The following UNC13C variants were observed in gnomAD, a reference collection of about 807,000 sequenced individuals.
The protein encoded by UNC13C is unc-13 homolog C.
UNC13C carries 174 observed loss-of-function variants against 245.4 expected under a neutral mutation model. That is an observed-to-expected ratio of 0.71 (90% confidence interval 0.63 to 0.80). UNC13C has a LOEUF of 0.80. Ranked by LOEUF, UNC13C falls within the 30% of genes least tolerant of loss-of-function variation. UNC13C has a pLI of 0.00. For synonymous variants in UNC13C, 992 were observed against 895.1 expected (o/e 1.11, Z -1.93); for missense variants, 2,829 against 2,602.9 (o/e 1.09, Z -1.89).
intron 10 of UNC13C, among the ~76,000 whole-genome samples, chr15:54,282,522 G>C (rs1438456644): frequency 6.6e-6 from 1 of 152,132 alleles, no homozygotes; most frequent in Non-Finnish European, 1.5e-5. Context: ...CACTGCCCAG[G>C]TGAGGGTGCC....
intron 4 of UNC13C, among the ~76,000 whole-genome samples, chr15:54,154,627 A>G (rs2032663370): frequency 6.6e-6 from 1 of 152,218 alleles, no homozygotes; most frequent in African/African-American, 2.4e-5. Context: ...CTTATTTCTC[A>G]GAATTTAAGC....
At chr15:53,932,780 C>G in the UNC13C span, among the ~76,000 whole-genome samples, 1 of 152,144 alleles carries the variant, frequency 6.6e-6, no homozygotes, top group South Asian at 2.1e-4. Context: ...ATTCTAAGCC[C>G]TTAAGTCCCA....
intron 2 of UNC13C, among the ~76,000 whole-genome samples, chr15:54,083,514 T>G (rs1356387727): frequency 6.6e-6 from 1 of 152,190 alleles, no homozygotes; most frequent in Non-Finnish European, 1.5e-5. Context: ...CAAGTGTACA[T>G]GTGTCAGCCC....
At chr15:53,977,609 AAATTATTTCAG>A (rs1429034778), upstream of UNC13C, among the ~76,000 whole-genome samples, 15 of 152,322 alleles carry the variant, frequency 9.8e-5, no homozygotes, top group Middle Eastern at 3.4e-3. Context: ...TAAAACCTCC[AAATTATTTCAG>A]GCCTCAAGCT....
At chr15:54,201,588 G>T (rs1191112254) in intron 4 of UNC13C, among the ~76,000 whole-genome samples, 3 of 151,872 alleles carry the variant, frequency 2.0e-5, no homozygotes, top group African/African-American at 7.2e-5. Context: ...AATAGACACA[G>T]AAAAAGCATT....
intron 24 of UNC13C, among the ~76,000 whole-genome samples, chr15:54,524,473 A>G (rs1895360791): frequency 6.6e-6 from 1 of 152,226 alleles, no homozygotes; most frequent in Admixed American, 6.5e-5. Context: ...CTCAAATGCC[A>G]AATGCAATAT....
At chr15:54,174,339 A>G (rs907003231) in intron 4 of UNC13C, among the ~76,000 whole-genome samples, 7 of 152,308 alleles carry the variant, frequency 4.6e-5, no homozygotes, top group African/African-American at 1.7e-4. Context: ...TACAAATTAC[A>G]TCTTCTTCAG....
At chr15:54,180,437 A>G (rs1203464654) in intron 4 of UNC13C, among the ~76,000 whole-genome samples, 2 of 151,972 alleles carry the variant, frequency 1.3e-5, no homozygotes, top group Admixed American at 6.6e-5. Context: ...CATGTTGTTG[A>G]TATTGTGAAT....
intron 29 of UNC13C, among the ~76,000 whole-genome samples, chr15:54,558,795 A>G (rs982389952): frequency 6.6e-6 from 1 of 151,954 alleles, no homozygotes; most frequent in African/African-American, 2.4e-5. Flanking sequence ...AAAAGTAGAA[A>G]AGTGGCAGCT....
In UNC13C at chr15:54,314,632, A is replaced by G. The variant is rs146329051; in HGVS notation, c.4269-7307A>G. 1.7e-3 allele frequency among the ~76,000 whole-genome samples: 253 copies of G among 151,872 alleles called. 1 individual carries two copies. Among genetic ancestry groups the G allele is most frequent in the African/African-American group, 5.4e-3 (225 of 41,516 alleles). ...AGAAATGTTTAATTATGACAAATAC[A>G]GAGAGGACATTAGACTTCAGAAACA... On this transcript the variant is annotated intron_variant, in intron 13 of 32. Transcript: ENST00000260323.
chr15:54,479,517 C>G (rs561618189), intron 19 of UNC13C, among the ~76,000 whole-genome samples: 1 of 152,020 alleles, frequency 6.6e-6, no homozygotes, highest in South Asian at 2.1e-4. Context: ...TTTTTTAAAT[C>G]CATTTAACCT....
At chr15:53,961,883 T>C in the UNC13C span, among the ~76,000 whole-genome samples, 2 of 152,150 alleles carry the variant, frequency 1.3e-5, no homozygotes, top group Non-Finnish European at 2.9e-5. Context: ...GTCAAAAATT[T>C]GGGGGAAAAA....
intron 17 of UNC13C, among the ~76,000 whole-genome samples, chr15:54,381,342 G>C (rs1273045103): frequency 6.6e-6 from 1 of 152,018 alleles, no homozygotes; most frequent in Non-Finnish European, 1.5e-5. Context: ...TACTGTTTTG[G>C]TTACTATGGC....
At chr15:53,919,963 T>A in the UNC13C span, among the ~76,000 whole-genome samples, 1 of 152,120 alleles carries the variant, frequency 6.6e-6, no homozygotes, top group Non-Finnish European at 1.5e-5. Flanking sequence ...TTCCTATCCA[T>A]GTTTTTTTTT....
At chr15:54,321,176 C>A in intron 13 of UNC13C, 1 of 515,740 alleles carries the variant, frequency 1.9e-6, no homozygotes, top group Non-Finnish European at 3.8e-6. Context: ...TGGCCATTCA[C>A]AGTAAGGTGT....
intron 7 of UNC13C, among the ~76,000 whole-genome samples, 170 bp from the exon 8 acceptor site, chr15:54,250,055 T>C: frequency 6.6e-6 from 1 of 151,876 alleles, no homozygotes; most frequent in East Asian, 1.9e-4. Flanking sequence ...GAGAGAAGAA[T>C]AGGTTAGCAG....
rs192060081 is a variant in UNC13C, at chr15:54,540,804, G to A, written c.5697-5918G>A. ...ATTTTATTCCTATTTTTTTAGTTCC[G>A]GTCTAAGCAGGGTTAGTCAGCATGC... is the stretch of plus-strand genomic sequence containing the variant. On this transcript the variant is annotated intron_variant, in intron 26 of 32. Transcript: ENST00000260323. 2.7e-4 allele frequency among the ~76,000 whole-genome samples: 41 copies of A among 151,944 alleles called. No individual in the cohort carries two copies. The East Asian group carries it at 4.4e-3, about 16-fold the overall frequency.
At chr15:53,895,118 C>T in the UNC13C span, among the ~76,000 whole-genome samples, 1 of 151,924 alleles carries the variant, frequency 6.6e-6, no homozygotes, top group Non-Finnish European at 1.5e-5. Flanking sequence ...AATCCCAACA[C>T]TTTGGGAGAC....
At chr15:54,137,830 C>T (rs991075355) in intron 2 of UNC13C, among the ~76,000 whole-genome samples, 1 of 151,906 alleles carries the variant, frequency 6.6e-6, no homozygotes, top group Non-Finnish European at 1.5e-5. Flanking sequence ...TTTATTTCTT[C>T]TGTAATCTTT....
Sources: allele counts gnomAD v4.1 joint callset (sites outside exome capture counted in the v4.1 genomes callset), GRCh38; gene constraint gnomAD v4.1.1; transcripts MANE v1.5; gene names NCBI Gene and HGNC (gene_info 2026-07-23, HGNC 2026-07-21).